CAMTA1: variants seen among roughly 807,000 people sequenced by gnomAD.
CAMTA1 encodes the protein calmodulin binding transcription activator 1, also known as calmodulin-binding transcription activator 1.
A neutral mutation model predicts 170.9 loss-of-function variants in CAMTA1; 27 were observed. That is an observed-to-expected ratio of 0.16 (90% confidence interval 0.12 to 0.22). The LOEUF (loss-of-function observed/expected upper bound fraction) is 0.22, where lower values mean the gene tolerates loss of function less well. Among genes scored for constraint, CAMTA1 ranks in the 10% least tolerant of loss-of-function variants. The probability of loss-of-function intolerance (pLI) is 1.00; values close to 1 mark genes in which losing one functional copy is unlikely to be tolerated. For synonymous variants in CAMTA1, 833 were observed against 891.5 expected (o/e 0.93, Z 1.17); for missense variants, 1,619 against 2,217.2 (o/e 0.73, Z 5.42).
At position 7,758,072 on chromosome 1, in the gene CAMTA1, C is replaced by T. The variant is rs551430072; in HGVS notation, c.4989+2404C>T. Among the ~76,000 whole-genome samples the T allele has an allele frequency of 2.0e-5, 3 of 152,180 alleles. No homozygotes were observed. In the South Asian group the frequency reaches 6.2e-4, roughly 32 times the overall value. On this transcript the variant is annotated intron_variant, in intron 22 of 22. Coordinates refer to ENST00000303635, the MANE Select transcript of CAMTA1 (RefSeq NM_015215.4). ...CTTTCTTTCCATTTTAAAAAACCTC[C>T]AAGAGAATAGATGCATGCCCTAGTG...
rs1204156681 is a variant in CAMTA1 at position 7,580,390 on chromosome 1, G to T, written c.511-60010G>T. On this transcript the variant is annotated intron_variant, in intron 6 of 22. Transcript: ENST00000303635. The surrounding 1 kb of genome is among the most constrained non-coding windows in gnomAD (Gnocchi z 4.3). ...AACCCAGGGAGGAAGGGGCTCAGAT[G>T]AAGCAGGTCTGGGGGAGAGGAAGGA... Among the ~76,000 whole-genome samples, 1 of 152,136 alleles carries T rather than the reference G, an allele frequency of 6.6e-6. No individual in the cohort carries two copies. The highest frequency in any genetic ancestry group is 1.5e-5 in the Non-Finnish European group (1 of 68,016).
At chr1:7,107,461 G>A (rs1430603110) in intron 4 of CAMTA1, among the ~76,000 whole-genome samples, 1 of 152,136 alleles carries the variant, frequency 6.6e-6, no homozygotes, top group East Asian at 1.9e-4. Flanking sequence ...CCCTGATAGG[G>A]TCGGGAGAGA....
intron 5 of CAMTA1, among the ~76,000 whole-genome samples, chr1:7,260,617 A>G (rs1235062472): frequency 3.3e-5 from 5 of 152,234 alleles, no homozygotes; most frequent in Non-Finnish European, 7.3e-5. Context: ...TGTTGAGACC[A>G]GGTGGGTTAA....
chr1:7,345,212 G>C (rs1232806842), intron 5 of CAMTA1, among the ~76,000 whole-genome samples: 1 of 152,084 alleles, frequency 6.6e-6, no homozygotes, highest in Non-Finnish European at 1.5e-5. Flanking sequence ...ATGTCTTGTT[G>C]AATAGTTCTT....
At chr1:7,423,286 CAT>C (rs918913228) in intron 5 of CAMTA1, among the ~76,000 whole-genome samples, 3 of 152,092 alleles carry the variant, frequency 2.0e-5, no homozygotes, top group Non-Finnish European at 4.4e-5. Context: ...GCCTGGCCAA[CAT>C]AGCGAAACCG....
chr1:7,249,575 T>C lies in CAMTA1; in HGVS notation c.387T>C (p.Asp129=), dbSNP rs780925293. 2.3e-5 allele frequency: 37 copies of C among 1,613,854 alleles called. No individual in the cohort carries two copies. Among genetic ancestry groups the C allele is most frequent in the Non-Finnish European group, 2.9e-5 (34 of 1,179,982 alleles). ...KDGYCWKKRK[D]GKTTREDHMK... ...GGTATTGCTGGAAAAAGAGGAAAGA[T>C]GGGAAAACGACCAGAGAGGACCACA... The change falls in exon 5 of 23, where the codon GAT becomes GAC. Residue 129 remains aspartate (D), a synonymous_variant. Coordinates refer to ENST00000303635, the MANE Select transcript of CAMTA1 (RefSeq NM_015215.4). This position sits in a 1 kb window ranked among gnomAD's most constrained non-coding sequence, Gnocchi z 4.4.
intron 3 of CAMTA1, among the ~76,000 whole-genome samples, chr1:6,904,017 A>G (rs140440338): frequency 1.1e-3 from 164 of 152,336 alleles, no homozygotes; most frequent in African/African-American, 3.6e-3. Context: ...CGACATATCC[A>G]GATATTTATT....
At chr1:7,730,059 C>T (rs2096720017) in intron 11 of CAMTA1, among the ~76,000 whole-genome samples, 1 of 152,190 alleles carries the variant, frequency 6.6e-6, no homozygotes, top group Non-Finnish European at 1.5e-5. Context: ...CTTCATTTGT[C>T]TAAAGATGAT....
intron 5 of CAMTA1, among the ~76,000 whole-genome samples, chr1:7,418,522 C>T (rs2091348480): frequency 6.6e-6 from 1 of 152,162 alleles, no homozygotes; most frequent in Non-Finnish European, 1.5e-5. Context: ...TGATGACCTC[C>T]TCTTGTCCCC....
intron 4 of CAMTA1, among the ~76,000 whole-genome samples, chr1:7,228,695 G>T (rs965774632): frequency 1.3e-5 from 2 of 152,226 alleles, no homozygotes; most frequent in Admixed American, 6.5e-5. Flanking sequence ...CGGCACAGGA[G>T]GGGTGAGAAC....
intron 3 of CAMTA1, among the ~76,000 whole-genome samples, chr1:7,052,585 C>T (rs187074843): frequency 2.5e-4 from 38 of 152,306 alleles, no homozygotes; most frequent in South Asian, 2.1e-3. Context: ...TCCTCGCCCA[C>T]GTGCCTTCTG....
At position 7,325,887 on chromosome 1, in the gene CAMTA1, C is replaced by T. The variant is rs1187723218; in HGVS notation, c.438+76261C>T. Among the ~76,000 whole-genome samples, 2 of 152,092 alleles carry T rather than the reference C, an allele frequency of 1.3e-5. No homozygotes were observed. Among genetic ancestry groups the T allele is most frequent in the Admixed American group, 6.5e-5 (1 of 15,272 alleles). On this transcript the variant is annotated intron_variant, in intron 5 of 22. Coordinates refer to ENST00000303635, the MANE Select transcript of CAMTA1 (RefSeq NM_015215.4). The surrounding 1 kb of genome is among the most constrained non-coding windows in gnomAD (Gnocchi z 5.0). ...GTTTGTTTGTTTTATGAGGCAGAGT[C>T]TCGCTCTGTTGCCCAGGCTGGAGGG...
intron 5 of CAMTA1, among the ~76,000 whole-genome samples, chr1:7,431,057 G>A (rs997893420): frequency 2.0e-5 from 3 of 152,370 alleles, no homozygotes; most frequent in Admixed American, 6.5e-5. Flanking sequence ...TGTGATGACA[G>A]TTAAGAAATC....
At chr1:7,306,510 A>G (rs56796690) in intron 5 of CAMTA1, among the ~76,000 whole-genome samples, 2,389 of 152,104 alleles carry the variant, frequency 0.016, 58 homozygotes, top group African/African-American at 0.054. Flanking sequence ...CACATCACCA[A>G]TACCACATTG....
intron 3 of CAMTA1, among the ~76,000 whole-genome samples, chr1:6,957,468 G>C (rs549874400): frequency 6.6e-6 from 1 of 152,226 alleles, no homozygotes; most frequent in Non-Finnish European, 1.5e-5. Flanking sequence ...TTCTATTCTG[G>C]ACTCTGGGAG....
intron 10 of CAMTA1, among the ~76,000 whole-genome samples, chr1:7,676,002 C>A (rs1398676661): frequency 6.6e-6 from 1 of 152,132 alleles, no homozygotes; most frequent in Non-Finnish European, 1.5e-5. Context: ...AAGAGGCCAT[C>A]CCCCCCGACC....
chr1:7,227,144 T>C (rs893184601), intron 4 of CAMTA1, among the ~76,000 whole-genome samples: 12 of 151,936 alleles, frequency 7.9e-5, no homozygotes, highest in Admixed American at 7.9e-4. Context: ...ACTGAAGCCA[T>C]TTTTAGGGGT....
At chr1:7,083,232 G>T (rs1640265172) in intron 3 of CAMTA1, among the ~76,000 whole-genome samples, 1 of 152,186 alleles carries the variant, frequency 6.6e-6, no homozygotes, top group African/African-American at 2.4e-5. Context: ...ATTCTGAATT[G>T]CTAGTTACCA....
intron 5 of CAMTA1, among the ~76,000 whole-genome samples, chr1:7,405,739 G>A (rs2090237727): frequency 1.9e-5 from 2 of 102,638 alleles, no homozygotes; most frequent in African/African-American, 5.8e-5. Context: ...ATCTGTAAAT[G>A]GGTATAACAC....
Sources: allele counts gnomAD v4.1 joint callset (sites outside exome capture counted in the v4.1 genomes callset), GRCh38; gene constraint gnomAD v4.1.1; non-coding constraint Gnocchi (gnomAD v3.1); transcripts MANE v1.5; gene names NCBI Gene and HGNC (gene_info 2026-07-23, HGNC 2026-07-21).